Variants in SGCG observed in about 807,000 individuals in gnomAD.
The protein encoded by SGCG is gamma-sarcoglycan.
Under a neutral mutation model 29.3 loss-of-function variants are expected in SGCG, and 26 were observed. The ratio of observed to expected loss-of-function variants is 0.89; its 90% CI spans 0.65 to 1.23. The LOEUF is 1.23. Ranked by LOEUF, SGCG falls within the 50% of genes most tolerant of loss-of-function variation. The pLI, the probability that SGCG is intolerant of heterozygous loss-of-function variation, is 0.00. For missense variants in SGCG, 353 were observed against 356.0 expected (o/e 0.99, Z 0.07); for synonymous variants, 145 against 129.7 (o/e 1.12, Z -0.80).
At chr13:23,269,945 G>A (rs1593209370) in intron 4 of SGCG, among the ~76,000 whole-genome samples, 1 of 144,850 alleles carries the variant, frequency 6.9e-6, no homozygotes, top group Admixed American at 7.3e-5. Flanking sequence ...CGCAGTCTTA[G>A]CTCACTGCAA....
chr13:23,267,622 T>C (rs993039711), intron 4 of SGCG: 4 of 152,336 alleles, frequency 2.6e-5, no homozygotes, highest in Non-Finnish European at 4.4e-5. Context: ...ATATCAAGAA[T>C]ATAAATGTAA....
At chr13:23,211,772 C>T (rs1593175342) in intron 2 of SGCG, among the ~76,000 whole-genome samples, 1 of 152,300 alleles carries the variant, frequency 6.6e-6, no homozygotes, top group African/African-American at 2.4e-5. Context: ...GCAGACAGTT[C>T]TCTCTTGCTT....
chr13:23,209,337 C>CT (rs1878107737), intron 2 of SGCG, among the ~76,000 whole-genome samples: 3 of 152,118 alleles, frequency 2.0e-5, no homozygotes, highest in African/African-American at 7.2e-5. Flanking sequence ...CCATTAAGGA[C>CT]TTTCCCATTA....
At chr13:23,314,185 T>TAG (rs1882708798) in intron 6 of SGCG, among the ~76,000 whole-genome samples, 2 of 146,376 alleles carry the variant, frequency 1.4e-5, no homozygotes, top group African/African-American at 5.0e-5. Context: ...AGTATATATA[T>TAG]ATATAGAGAG....
chr13:23,309,903 C>T (rs1466087728), intron 6 of SGCG, among the ~76,000 whole-genome samples: 2 of 151,896 alleles, frequency 1.3e-5, no homozygotes, highest in Non-Finnish European at 2.9e-5. Flanking sequence ...AGAAATTTTT[C>T]CTTGTTACTC....
intron 5 of SGCG, among the ~76,000 whole-genome samples, chr13:23,295,028 A>G (rs569387458): frequency 6.6e-6 from 1 of 152,356 alleles, no homozygotes; most frequent in South Asian, 2.1e-4. Context: ...AACAAATAAT[A>G]CAAGATACAA....
intron 4 of SGCG, among the ~76,000 whole-genome samples, chr13:23,263,875 A>T (rs546531138): frequency 1.3e-5 from 2 of 152,268 alleles, no homozygotes; most frequent in Admixed American, 1.3e-4. Context: ...AAAATCTAGC[A>T]TTCTTTTCTG....
chr13:23,205,631 C>T (rs960678409), intron 2 of SGCG, among the ~76,000 whole-genome samples: 1 of 152,004 alleles, frequency 6.6e-6, no homozygotes, highest in African/African-American at 2.4e-5. Flanking sequence ...TGTAAAACAA[C>T]TTTGAGGTAT....
intron 4 of SGCG, among the ~76,000 whole-genome samples, chr13:23,274,459 GTGGTGCGAT>G (rs1880992041): frequency 7.3e-6 from 1 of 136,066 alleles, no homozygotes; most frequent in Admixed American, 8.3e-5. Flanking sequence ...CTGGAGTGCA[GTGGTGCGAT>G]CTTGGCTCGC....
At chr13:23,161,032 C>T in the SGCG span, among the ~76,000 whole-genome samples, 5 of 152,170 alleles carry the variant, frequency 3.3e-5, no homozygotes, top group Non-Finnish European at 7.3e-5. Flanking sequence ...TTGCCAAAAA[C>T]TTTGCCCTGG....
chr13:23,250,293 C>T (rs1209608696), intron 3 of SGCG, among the ~76,000 whole-genome samples: 1 of 152,102 alleles, frequency 6.6e-6, no homozygotes, highest in Non-Finnish European at 1.5e-5. Context: ...TTACCTAGAA[C>T]CCCACTGTTG....
intron 5 of SGCG, among the ~76,000 whole-genome samples, chr13:23,286,173 A>G (rs995697558): frequency 4.6e-5 from 7 of 152,332 alleles, no homozygotes; most frequent in African/African-American, 1.4e-4. Flanking sequence ...TTCACCTCTC[A>G]GTGCTTTATA....
At chr13:23,194,430 G>A (rs967610372) in intron 1 of SGCG, among the ~76,000 whole-genome samples, 5 of 152,280 alleles carry the variant, frequency 3.3e-5, no homozygotes, top group Admixed American at 2.6e-4. Context: ...AAATTAGACA[G>A]TGCTGAATTT....
chr13:23,308,531 G>C (rs143055565), intron 6 of SGCG, among the ~76,000 whole-genome samples: 5 of 152,098 alleles, frequency 3.3e-5, no homozygotes, highest in African/African-American at 1.2e-4. Context: ...GTCTTCTTCA[G>C]AGTTGTATTG....
At chr13:23,247,482 G>C (rs1399500893) in intron 3 of SGCG, among the ~76,000 whole-genome samples, 4 of 152,242 alleles carry the variant, frequency 2.6e-5, no homozygotes, top group South Asian at 2.1e-4. Context: ...AAGAGAGTTT[G>C]ATAGAATACA....
intron 2 of SGCG, among the ~76,000 whole-genome samples, chr13:23,230,797 T>C (rs573215930): frequency 2.2e-4 from 33 of 152,278 alleles, no homozygotes; most frequent in African/African-American, 7.5e-4. Context: ...GCCTGATTGC[T>C]CTGACCAGGA....
At chr13:23,252,653 T>G (rs1321097085) in intron 4 of SGCG, among the ~76,000 whole-genome samples, 1 of 152,112 alleles carries the variant, frequency 6.6e-6, no homozygotes, top group East Asian at 1.9e-4. Context: ...ATCGCATCAC[T>G]GCACTCCAGC....
chr13:23,204,357 A>G (rs1489100786), intron 2 of SGCG, among the ~76,000 whole-genome samples: 1 of 152,226 alleles, frequency 6.6e-6, no homozygotes, highest in Non-Finnish European at 1.5e-5. Flanking sequence ...AAAAACATCA[A>G]TCCTGAGGAA....
chr13:23,287,642 C>A (rs1425893625), intron 5 of SGCG, among the ~76,000 whole-genome samples: 1 of 152,228 alleles, frequency 6.6e-6, no homozygotes, highest in Non-Finnish European at 1.5e-5. Context: ...CATCCTACAA[C>A]TCCAACTATG....
Sources: gnomAD v4.1 joint callset for allele counts (sites outside exome capture counted in the v4.1 genomes callset) on GRCh38, gnomAD v4.1.1 for gene constraint, MANE v1.5 for transcripts, NCBI Gene and HGNC (gene_info 2026-07-23, HGNC 2026-07-21) for gene names.